MAVS: variants seen among roughly 807,000 people sequenced by gnomAD.
MAVS encodes mitochondrial antiviral-signaling protein.
A neutral mutation model predicts 30.2 loss-of-function variants in MAVS; 20 were observed. The ratio of observed to expected loss-of-function variants is 0.66; its 90% CI spans 0.47 to 0.96. The LOEUF (loss-of-function observed/expected upper bound fraction) is 0.96, where lower values mean the gene tolerates loss of function less well. Ranked by LOEUF, MAVS falls within the 40% of genes least tolerant of loss-of-function variation. The pLI, the probability that MAVS is intolerant of heterozygous loss-of-function variation, is 0.00. For synonymous variants in MAVS, 278 were observed against 293.9 expected (o/e 0.95, Z 0.55); for missense variants, 624 against 701.1 (o/e 0.89, Z 1.24).
At position 3,870,329 on chromosome 20, in the gene MAVS, C is replaced by T. The variant is rs1209886697; in HGVS notation, c.*4182C>T. The T allele has an allele frequency of 6.6e-6, 1 of 152,436 alleles. No homozygotes were observed. The highest frequency in any genetic ancestry group is 1.5e-5 in the Non-Finnish European group (1 of 68,134). 9.4% of individuals were successfully genotyped at this position (152,436 alleles called of 1,614,324 possible). Reference sequence around the variant, plus strand: ...CAATGGTATCTGCATATTAGCCCCTCTCCACCTTCTTTCTCCCGCTGAATC... The same window carrying T: ...CAATGGTATCTGCATATTAGCCCCTTTCCACCTTCTTTCTCCCGCTGAATC... On this transcript the variant is annotated 3_prime_UTR_variant, in exon 7 of 7. Transcript: ENST00000428216.
At chr20:3,861,835 G>C (rs1209583785) in intron 4 of MAVS, among the ~76,000 whole-genome samples, 1 of 152,004 alleles carries the variant, frequency 6.6e-6, no homozygotes, top group Non-Finnish European at 1.5e-5. Context: ...TGCAACCTCT[G>C]CCTCCTGGGT....
intron 1 of MAVS, among the ~76,000 whole-genome samples, chr20:3,851,535 G>A (rs2089759949): frequency 6.6e-6 from 1 of 150,842 alleles, no homozygotes; most frequent in African/African-American, 2.4e-5. Context: ...AGTTTATAAG[G>A]CTGAATTACC....
intron 1 of MAVS, among the ~76,000 whole-genome samples, chr20:3,853,195 T>C (rs1332964712): frequency 1.4e-5 from 2 of 141,904 alleles, no homozygotes; most frequent in Admixed American, 1.4e-4. Flanking sequence ...TTACAGAAAT[T>C]AAAGATGGCG....
chr20:3,857,887 T>G, intron 3 of MAVS, 78 bp downstream of exon 3: 1 of 1,438,420 alleles, frequency 7.0e-7, no homozygotes, highest in Non-Finnish European at 9.7e-7. Flanking sequence ...CTCCCTGTAC[T>G]TCCTGCCTTT....
At chr20:3,856,305 C>T (rs1011852217) in intron 2 of MAVS, among the ~76,000 whole-genome samples, 1 of 150,920 alleles carries the variant, frequency 6.6e-6, no homozygotes, top group African/African-American at 2.4e-5. Flanking sequence ...CCACCCGCCT[C>T]GGCCTCCCAA....
In MAVS at chr20:3,854,610, A is replaced by G; in HGVS notation, c.-15A>G. 1 of 1,599,098 alleles carries G rather than the reference A, an allele frequency of 6.3e-7. No individual in the cohort carries two copies. The highest frequency in any genetic ancestry group is 8.6e-7 in the Non-Finnish European group (1 of 1,167,602). ...TTCATGGGGCCAGAGCCCTCTCTCC[A>G]GAATCTGAGCAGCAATGCCGTTTGC... On this transcript the variant is annotated 5_prime_UTR_variant, in exon 2 of 7. Coordinates refer to ENST00000428216, the MANE Select transcript of MAVS (RefSeq NM_020746.5).
chr20:3,859,851 C>T (rs904984729), intron 3 of MAVS, among the ~76,000 whole-genome samples: 3 of 151,938 alleles, frequency 2.0e-5, no homozygotes, highest in Non-Finnish European at 4.4e-5. Context: ...GAGTTTCGCT[C>T]TGTCGCCCAG....
In MAVS at chr20:3,867,381, T is replaced by C; in HGVS notation, c.*1234T>C. The C allele has an allele frequency of 4.2e-6, 1 of 238,392 alleles. No individual in the cohort carries two copies. The highest frequency in any genetic ancestry group is 5.2e-5 in the South Asian group (1 of 19,274). The allele number at this position is 238,392 out of a possible 1,614,324, so 14.8% of individuals were successfully genotyped here. The stretch of plus-strand genomic sequence containing the variant: ...AGGGTTGGATATATGTTATTATCAC[T>C]ATTAAGTGTTGAGGGTCCAGGCATG... On this transcript the variant is annotated 3_prime_UTR_variant, in exon 7 of 7. Coordinates refer to ENST00000428216, the MANE Select transcript of MAVS (RefSeq NM_020746.5).
Position 3,867,215 on chromosome 20 carries a change from C to T in MAVS, c.*1068C>T, listed in dbSNP as rs776346505. ...ACCTGCCTCTCACCAGCTCTGTGAC[C>T]TTGGGCAAGGGATTTATCTGTCTGT... On this transcript the variant is annotated 3_prime_UTR_variant, in exon 7 of 7. Transcript: ENST00000428216. The T allele has an allele frequency of 1.1e-5, 4 of 370,504 alleles. No individual in the cohort carries two copies. Among genetic ancestry groups the T allele is most frequent in the African/African-American group, 2.1e-5 (1 of 47,220 alleles). 23.0% of individuals were successfully genotyped at this position (370,504 alleles called of 1,614,324 possible). A position where few individuals can be genotyped will look rare whatever the true frequency, so the allele number is the denominator to read the frequency against.
At chr20:3,848,605 G>T (rs2089730919) in intron 1 of MAVS, among the ~76,000 whole-genome samples, 1 of 152,146 alleles carries the variant, frequency 6.6e-6, no homozygotes, top group Non-Finnish European at 1.5e-5. Context: ...TGTGAGGAAG[G>T]TCTGGTGGCC....
In MAVS at chr20:3,859,729, G is replaced by A. The variant is rs557101038; in HGVS notation, c.293-1603G>A. Among the ~76,000 whole-genome samples the A allele has an allele frequency of 1.0e-3, 154 of 151,802 alleles. 1 individual carries two copies. The highest frequency in any genetic ancestry group is 3.6e-3 in the African/African-American group (147 of 41,402). On this transcript the variant is annotated intron_variant, in intron 3 of 6. Transcript: ENST00000428216. ...GCGTGGGTGACTAGAGACCCACGAG[G>A]CCCCCCCATACTCCCCTTCCTCCCT...
chr20:3,860,043 T>C (rs2089852933), intron 3 of MAVS, among the ~76,000 whole-genome samples: 1 of 152,092 alleles, frequency 6.6e-6, no homozygotes, highest in Admixed American at 6.6e-5. Flanking sequence ...GGTCTCGATC[T>C]CCTGACCTCG....
intron 1 of MAVS, among the ~76,000 whole-genome samples, chr20:3,851,299 G>A (rs1372413287): frequency 2.0e-5 from 3 of 152,026 alleles, no homozygotes; most frequent in Non-Finnish European, 2.9e-5. Flanking sequence ...CTGCACTCCA[G>A]CCTGGGCAAC....
chr20:3,854,600 C>A lies in MAVS; in HGVS notation c.-25C>A, dbSNP rs951224725. ...CCATCCACCCTTCATGGGGCCAGAG[C>A]CCTCTCTCCAGAATCTGAGCAGCAA... On this transcript the variant is annotated 5_prime_UTR_variant, in exon 2 of 7. Coordinates refer to ENST00000428216, the MANE Select transcript of MAVS (RefSeq NM_020746.5). 3.9e-6 allele frequency: 6 copies of A among 1,545,992 alleles called. No individual in the cohort carries two copies. The highest frequency in any genetic ancestry group is 5.4e-6 in the Non-Finnish European group (6 of 1,120,546).
In MAVS at chr20:3,865,921, T is replaced by C. The variant is rs994891059; in HGVS notation, c.1397T>C (p.Phe466Ser). The change falls in exon 7 of 7, where the codon TTT becomes TCT. Residue 466 changes from phenylalanine (F) to serine (S), a missense_variant. Physicochemically the swap from Phe to Ser is radical, Grantham distance 155. Coordinates refer to ENST00000428216, the MANE Select transcript of MAVS (RefSeq NM_020746.5). This position sits in a 1 kb window ranked among gnomAD's most constrained non-coding sequence, Gnocchi z 4.7. Reference protein sequence around the residue: ...EENEYKSEGTFGIHVAENPSI... With the variant: ...EENEYKSEGTSGIHVAENPSI... The stretch of plus-strand genomic sequence containing the variant: ...AATGAGTATAAGTCCGAGGGCACCT[T>C]TGGGATCCACGTGGCTGAGAACCCC... The C allele has an allele frequency of 6.2e-7, 1 of 1,613,800 alleles. No homozygotes were observed. The highest frequency in any genetic ancestry group is 2.2e-5 in the East Asian group (1 of 44,864).
chr20:3,864,202 C>T, intron 5 of MAVS, 54 bp from the exon 6 acceptor site: 1 of 1,546,352 alleles, frequency 6.5e-7, no homozygotes, highest in Non-Finnish European at 8.7e-7. Flanking sequence ...TTCTCCAGGC[C>T]TCAAGGTAAT....
At chr20:3,861,274 T>C (rs2089864749) in intron 3 of MAVS, 58 bp from the exon 4 acceptor site, 3 of 1,522,834 alleles carry the variant, frequency 2.0e-6, no homozygotes, top group Non-Finnish European at 2.7e-6. Context: ...ATTACAGGCA[T>C]GAGCCACTGT....
chr20:3,860,172 G>A (rs1438377904), intron 3 of MAVS, among the ~76,000 whole-genome samples: 1 of 151,934 alleles, frequency 6.6e-6, no homozygotes, highest in Non-Finnish European at 1.5e-5. Flanking sequence ...GGACCTATGG[G>A]TGGGGCGGGG....
rs774745629 is a variant in MAVS, at chr20:3,857,515, C to G, written c.118-120C>G. The G allele has an allele frequency of 9.2e-6, 11 of 1,195,250 alleles. No homozygotes were observed. The Admixed American group carries it at 1.6e-4, about 18-fold the overall frequency. The allele number at this position is 1,195,250 out of a possible 1,614,324, so 74.0% of individuals were successfully genotyped here. On this transcript the variant is annotated intron_variant, in intron 2 of 6. Coordinates refer to ENST00000428216, the MANE Select transcript of MAVS (RefSeq NM_020746.5). Reference sequence around the variant, plus strand: ...TGTCCTGGGCTCCGATCCAGTTTCACGTGGCTGCCTTGCCCTTGTGGCTTT... The same window carrying G: ...TGTCCTGGGCTCCGATCCAGTTTCAGGTGGCTGCCTTGCCCTTGTGGCTTT...
Sources: gnomAD v4.1 joint callset for allele counts (sites outside exome capture counted in the v4.1 genomes callset) on GRCh38, gnomAD v4.1.1 for gene constraint, Gnocchi (gnomAD v3.1) non-coding constraint, MANE v1.5 for transcripts, NCBI Gene and HGNC (gene_info 2026-07-23, HGNC 2026-07-21) for gene names.